The following CTH variants were observed in gnomAD, a reference collection of about 807,000 sequenced individuals.
CTH encodes cystathionine gamma-lyase, also known as cystathionase (cystathionine gamma-lyase).
A neutral mutation model predicts 50.6 loss-of-function variants in CTH; 41 were observed. The ratio of observed to expected loss-of-function variants is 0.81; its 90% CI spans 0.63 to 1.05. The LOEUF (loss-of-function observed/expected upper bound fraction) is 1.05, where lower values mean the gene tolerates loss of function less well. CTH is among the 50% of genes least tolerant of loss of function. The pLI is 0.00. For missense variants in CTH, 470 were observed against 492.6 expected (o/e 0.95, Z 0.43); for synonymous variants, 156 against 168.9 (o/e 0.92, Z 0.59).
At chr1:70,418,626 T>C (rs1684147761) in intron 3 of CTH, among the ~76,000 whole-genome samples, 1 of 152,242 alleles carries the variant, frequency 6.6e-6, no homozygotes, top group Non-Finnish European at 1.5e-5. Flanking sequence ...AGACATATTC[T>C]GCTCTAGAGA....
chr1:70,411,604 G>A (rs749664137), intron 1 of CTH, 21 bp downstream of exon 1: 2 of 1,610,466 alleles, frequency 1.2e-6, no homozygotes, highest in South Asian at 1.1e-5. Flanking sequence ...TCTGTCTGGG[G>A]CTGTCCACAG....
At chr1:70,412,999 C>G (rs1358920150) in intron 1 of CTH, among the ~76,000 whole-genome samples, 1 of 151,964 alleles carries the variant, frequency 6.6e-6, no homozygotes, top group Non-Finnish European at 1.5e-5. Context: ...CTTTTTTCCC[C>G]CTTTTGGTGG....
In CTH at chr1:70,411,653, G is replaced by A; in HGVS notation, c.168+70G>A. On this transcript the variant is annotated intron_variant, in intron 1 of 11. Transcript: ENST00000370938. The stretch of plus-strand genomic sequence containing the variant: ...GAGATACGGCTTATGAATTTGAAAG[G>A]CATGTAAGTAATTTATAATATGACT... 5.1e-6 allele frequency: 8 copies of A among 1,561,164 alleles called. No individual in the cohort carries two copies. In the South Asian group the frequency reaches 9.5e-5, roughly 18 times the overall value.
At chr1:70,423,402 A>G (rs574285348) in intron 4 of CTH, among the ~76,000 whole-genome samples, 1 of 151,886 alleles carries the variant, frequency 6.6e-6, no homozygotes, top group South Asian at 2.1e-4. Flanking sequence ...TCTGCAAAAA[A>G]AAAAAAATAA....
At chr1:70,414,739 C>T (rs923058577) in intron 1 of CTH, among the ~76,000 whole-genome samples, 3 of 152,154 alleles carry the variant, frequency 2.0e-5, no homozygotes, top group Non-Finnish European at 4.4e-5. Flanking sequence ...CTTCACTTTC[C>T]TCAAAGCCAG....
chr1:70,411,269 C>A lies in CTH; in HGVS notation c.-147C>A, dbSNP rs1238738609. ...AATCCACCCCAACAATCGCTGTGTG[C>A]CGCTTTAGTGCGCTCGCCGTCGGCT... On this transcript the variant is annotated 5_prime_UTR_variant, in exon 1 of 12. Transcript: ENST00000370938. The A allele has an allele frequency of 2.4e-6, 2 of 817,826 alleles. No individual in the cohort carries two copies. The highest frequency in any genetic ancestry group is 4.4e-6 in the Non-Finnish European group (2 of 458,080). 50.7% of individuals were successfully genotyped at this position (817,826 alleles called of 1,614,324 possible).
intron 2 of CTH, among the ~76,000 whole-genome samples, chr1:70,416,356 A>C (rs1232643071): frequency 6.6e-6 from 1 of 152,160 alleles, no homozygotes; most frequent in Non-Finnish European, 1.5e-5. Flanking sequence ...ATAAATAAAT[A>C]AATGGAAATT....
intron 8 of CTH, among the ~76,000 whole-genome samples, chr1:70,433,179 T>C (rs923623639): frequency 6.6e-6 from 1 of 152,196 alleles, no homozygotes; most frequent in Non-Finnish European, 1.5e-5. Context: ...ATCTAGAATA[T>C]ATAGAAAAAT....
At chr1:70,426,517 C>T (rs1684349639) in intron 5 of CTH, among the ~76,000 whole-genome samples, 1 of 152,204 alleles carries the variant, frequency 6.6e-6, no homozygotes, top group South Asian at 2.1e-4. Context: ...ACTCCCTGGG[C>T]AGTTGGTATA....
chr1:70,412,310 A>C (rs1461523978), intron 1 of CTH, among the ~76,000 whole-genome samples: 4 of 152,268 alleles, frequency 2.6e-5, no homozygotes, highest in African/African-American at 4.8e-5. Context: ...TTAGTGATTA[A>C]GAACACAACT....
chr1:70,437,428 G>T (rs995991279), intron 10 of CTH, among the ~76,000 whole-genome samples: 12 of 152,086 alleles, frequency 7.9e-5, no homozygotes, highest in Non-Finnish European at 2.9e-5. Context: ...ATGAATTAAT[G>T]CACACAAACC....
intron 2 of CTH, 80 bp downstream of exon 2, chr1:70,416,117 G>A (rs1387263900): frequency 2.2e-5 from 19 of 883,562 alleles, no homozygotes; most frequent in Non-Finnish European, 3.4e-5. Context: ...ATGTGGAACT[G>A]AAAAGAAACA....
intron 5 of CTH, among the ~76,000 whole-genome samples, chr1:70,424,864 G>T (rs1270931367): frequency 2.6e-5 from 4 of 152,070 alleles, no homozygotes; most frequent in Non-Finnish European, 5.9e-5. Flanking sequence ...GGGAGGCGGA[G>T]CTTGCAGTGA....
At chr1:70,434,929 T>G (rs554714326) in intron 9 of CTH, 196 bp from the exon 10 acceptor site, 6 of 395,046 alleles carry the variant, frequency 1.5e-5, no homozygotes, top group African/African-American at 1.3e-4. Flanking sequence ...ATTTTTGTAT[T>G]TTTAGTAGAG....
At chr1:70,424,778 A>C (rs1572261535) in intron 5 of CTH, among the ~76,000 whole-genome samples, 1 of 152,172 alleles carries the variant, frequency 6.6e-6, no homozygotes, top group South Asian at 2.1e-4. Context: ...AAATACAAAA[A>C]ATTAGCTGGG....
At chr1:70,431,471 T>A (rs1447275044) in intron 7 of CTH, among the ~76,000 whole-genome samples, 1 of 152,228 alleles carries the variant, frequency 6.6e-6, no homozygotes. Flanking sequence ...CCTATTTACA[T>A]TGCTTAGTTT....
rs1416686215 is a variant in CTH, at chr1:70,438,759, G to A, written c.1124G>A (p.Arg375Gln). The change falls in exon 11 of 12, where the codon CGA becomes CAA. Residue 375 changes from arginine to glutamine, a missense_variant. By Grantham distance (43) the Arg-to-Gln change is conservative (BLOSUM62 1). Transcript: ENST00000370938. The part of the protein sequence containing the change: ...DVLGISDTLI[R>Q]LSVGLEDEED... ...CTTGGAATTAGTGACACACTGATTC[G>A]ACTTTCTGTGGGCTTAGAGGATGAG... 6 of 1,613,704 alleles carry A rather than the reference G, an allele frequency of 3.7e-6. No individual in the cohort carries two copies. The highest frequency in any genetic ancestry group is 1.3e-5 in the African/African-American group (1 of 74,806).
intron 5 of CTH, among the ~76,000 whole-genome samples, chr1:70,429,520 G>C (rs949856713): frequency 3.3e-5 from 5 of 152,146 alleles, no homozygotes; most frequent in African/African-American, 7.2e-5. Flanking sequence ...AAAGAAACAG[G>C]TTCAAGAGAC....
In CTH at chr1:70,438,828, T is replaced by C; in HGVS notation, c.1191+2T>C. 6.3e-7 allele frequency: 1 copy of C among 1,595,890 alleles called. No homozygotes were observed. The highest frequency in any genetic ancestry group is 8.5e-7 in the Non-Finnish European group (1 of 1,175,728). On this transcript the variant is annotated splice_donor_variant, in intron 11 of 11. Coordinates refer to ENST00000370938, the MANE Select transcript of CTH (RefSeq NM_001902.6). LOFTEE classifies it high-confidence loss of function. ...CTAGATCAAGCTTTGAAGGCAGCAG[T>C]AAGTCTTATTATTGTGTGTGTGTGT... is the stretch of plus-strand genomic sequence containing the variant.
Sources: allele counts gnomAD v4.1 joint callset (sites outside exome capture counted in the v4.1 genomes callset), GRCh38; gene constraint gnomAD v4.1.1; transcripts MANE v1.5; gene names NCBI Gene and HGNC (gene_info 2026-07-23, HGNC 2026-07-21).